Variants in C2CD3 observed in about 807,000 individuals in gnomAD.
The protein encoded by C2CD3 is C2 domain containing 3 centriole elongation regulator.
C2CD3 carries 148 observed loss-of-function variants against 234.0 expected under a neutral mutation model. The observed-to-expected ratio is 0.63, with a 90% CI of 0.55 to 0.72. C2CD3 has a LOEUF of 0.72. Ranked by LOEUF, C2CD3 falls within the 30% of genes least tolerant of loss-of-function variation. C2CD3 has a pLI of 0.00. For synonymous variants in C2CD3, 1,000 were observed against 1,035.4 expected (o/e 0.97, Z 0.66); for missense variants, 2,577 against 2,811.5 (o/e 0.92, Z 1.89).
intron 7 of C2CD3, among the ~76,000 whole-genome samples, chr11:74,127,787 T>C (rs1003181143): frequency 5.9e-5 from 9 of 152,318 alleles, no homozygotes; most frequent in African/African-American, 1.9e-4. Flanking sequence ...TATTTGACTT[T>C]AGTGGGTGTG....
chr11:74,164,255 A>G, intron 2 of C2CD3: 1 of 966,690 alleles, frequency 1.0e-6, no homozygotes, highest in Non-Finnish European at 1.2e-6. Flanking sequence ...ATCTGATCAA[A>G]GACAGGTAAA....
chr11:74,042,667 C>G (rs1953128336), intron 28 of C2CD3, among the ~76,000 whole-genome samples: 1 of 151,794 alleles, frequency 6.6e-6, no homozygotes, highest in African/African-American at 2.4e-5. Flanking sequence ...GCAGGAGAAT[C>G]ACTTGAACCT....
At chr11:74,111,771 T>C (rs933544502) in intron 11 of C2CD3, among the ~76,000 whole-genome samples, 1 of 151,986 alleles carries the variant, frequency 6.6e-6, no homozygotes, top group Non-Finnish European at 1.5e-5. Flanking sequence ...CTTAAAACAC[T>C]GTAAGATTTT....
At chr11:74,085,260 C>T (rs1955589988) in intron 21 of C2CD3, among the ~76,000 whole-genome samples, 1 of 151,934 alleles carries the variant, frequency 6.6e-6, no homozygotes, top group Non-Finnish European at 1.5e-5. Flanking sequence ...CTTCGGCCTC[C>T]CAAAGTGCTG....
rs539433291 is a variant in C2CD3, at chr11:74,017,513, T to C, written c.6922-3988A>G. Reference sequence around the variant, plus strand: ...GGGAGAAAATGGAGCACGTGGAAGGTGTAAGGAGTGGTTTGGAAAGAAAAT... The same window carrying C: ...GGGAGAAAATGGAGCACGTGGAAGGCGTAAGGAGTGGTTTGGAAAGAAAAT... On this transcript the variant is annotated intron_variant, in intron 32 of 32. Coordinates refer to ENST00000334126, the MANE Select transcript of C2CD3 (RefSeq NM_001286577.2). 5.9e-5 allele frequency among the ~76,000 whole-genome samples: 9 copies of C among 152,078 alleles called. No individual in the cohort carries two copies. In the South Asian group the frequency reaches 1.7e-3, roughly 28 times the overall value.
At chr11:74,093,783 C>CCTAG (rs1356322177) in intron 18 of C2CD3, 33 bp downstream of exon 18, 2 of 1,579,442 alleles carry the variant, frequency 1.3e-6, no homozygotes, top group Non-Finnish European at 1.7e-6. Flanking sequence ...GCACTTCCTT[C>CCTAG]CTAGGCATAG....
intron 7 of C2CD3, chr11:74,128,871 T>C (rs371950725): frequency 7.3e-6 from 2 of 273,240 alleles, no homozygotes; most frequent in South Asian, 6.7e-5. Context: ...GATAAGGTCA[T>C]AGATCAACAG....
chr11:74,149,534 G>C (rs1855454638), intron 3 of C2CD3, among the ~76,000 whole-genome samples: 1 of 151,210 alleles, frequency 6.6e-6, no homozygotes, highest in Non-Finnish European at 1.5e-5. Flanking sequence ...ATTCAATTCT[G>C]AACTTTTTGC....
intron 5 of C2CD3, among the ~76,000 whole-genome samples, chr11:74,135,549 C>T (rs1247220928): frequency 1.3e-5 from 2 of 152,084 alleles, no homozygotes; most frequent in East Asian, 3.8e-4. Context: ...ATATGATAGT[C>T]AGAGATGTGA....
chr11:74,114,631 A>T, intron 9 of C2CD3, 38 bp from the exon 10 acceptor site: 11 of 1,238,460 alleles, frequency 8.9e-6, no homozygotes, highest in South Asian at 1.2e-5. Flanking sequence ...GCATACTGCT[A>T]CAGGCTTCAC....
rs1421269064 is a variant in C2CD3 at position 74,114,468 on chromosome 11, C to T, written c.1646G>A (p.Gly549Glu). The T allele has an allele frequency of 6.2e-7, 1 of 1,613,792 alleles. No individual in the cohort carries two copies. Among genetic ancestry groups the T allele is most frequent in the African/African-American group, 1.3e-5 (1 of 74,914 alleles). The change falls in exon 10 of 33, where the codon GGA (glycine) becomes GAA (glutamate). Residue 549 changes from glycine to glutamate, a missense_variant. Coordinates refer to ENST00000334126, the MANE Select transcript of C2CD3 (RefSeq NM_001286577.2). ...HSVRIIIETM[G>E]VPPDSPQMTP... Reference sequence around the variant, plus strand: ...CATCTGAGGACTATCTGGAGGAACTCCCATGGTTTCGATGATGATTCTGAC... The same window carrying T: ...CATCTGAGGACTATCTGGAGGAACTTCCATGGTTTCGATGATGATTCTGAC...
At chr11:74,116,772 A>AGG (rs574386194) in intron 9 of C2CD3, among the ~76,000 whole-genome samples, 2 of 148,940 alleles carry the variant, frequency 1.3e-5, no homozygotes, top group East Asian at 4.1e-4. Context: ...TGGTATACAT[A>AGG]TATGTGTGTA....
chr11:74,103,628 G>A lies in C2CD3; in HGVS notation c.2086-3C>T. ...TCTGTAATAAGCTCCATGGTTACCT[G>A]TAAAACACAAAAGGAGAAGAGTCAA... On this transcript the variant is annotated splice_polypyrimidine_tract_variant and splice_region_variant and intron_variant, in intron 13 of 32. Transcript: ENST00000334126. The A allele has an allele frequency of 1.9e-6, 3 of 1,602,552 alleles. No individual in the cohort carries two copies. The highest frequency in any genetic ancestry group is 2.6e-6 in the Non-Finnish European group (3 of 1,175,174).
intron 3 of C2CD3, among the ~76,000 whole-genome samples, chr11:74,155,951 G>A (rs1241635616): frequency 1.3e-5 from 2 of 152,002 alleles, no homozygotes; most frequent in African/African-American, 4.8e-5. Flanking sequence ...GACCAGCCTG[G>A]ACAACATGGC....
chr11:74,054,748 C>T (rs1953878961), intron 25 of C2CD3, 77 bp from the exon 26 acceptor site: 2 of 991,846 alleles, frequency 2.0e-6, no homozygotes, highest in Admixed American at 2.2e-5. Context: ...TGAAGAATAT[C>T]TTGTAATTTG....
At chr11:74,095,499 G>A (rs1287136654) in intron 16 of C2CD3, 91 bp from the exon 17 acceptor site, 3 of 958,892 alleles carry the variant, frequency 3.1e-6, no homozygotes, top group Admixed American at 4.8e-5. Flanking sequence ...TATAGATAAA[G>A]AGATAAGTAT....
chr11:74,099,014 G>A (rs1049629666), intron 15 of C2CD3, among the ~76,000 whole-genome samples: 11 of 152,138 alleles, frequency 7.2e-5, no homozygotes, highest in African/African-American at 1.9e-4. Context: ...ATGATGCTTG[G>A]TACATGGAAG....
chr11:74,116,861 T>TAC (rs1349944273), intron 9 of C2CD3, among the ~76,000 whole-genome samples: 42 of 138,974 alleles, frequency 3.0e-4, no homozygotes, highest in East Asian at 1.6e-3. Flanking sequence ...TATGTGTATA[T>TAC]ACACGTGTAT....
chr11:74,059,517 G>C (rs1006924553), intron 24 of C2CD3, among the ~76,000 whole-genome samples: 3 of 150,006 alleles, frequency 2.0e-5, no homozygotes, highest in Admixed American at 6.6e-5. Flanking sequence ...TCTCTATCTC[G>C]CTGCTCCTTT....
Sources: allele counts gnomAD v4.1 joint callset (sites outside exome capture counted in the v4.1 genomes callset), GRCh38; gene constraint gnomAD v4.1.1; transcripts MANE v1.5; gene names NCBI Gene and HGNC (gene_info 2026-07-23, HGNC 2026-07-21).